OLA1: variants seen among roughly 807,000 people sequenced by gnomAD.
OLA1 encodes obg-like ATPase 1.
Under a neutral mutation model 48.4 loss-of-function variants are expected in OLA1, and 14 were observed. That is an observed-to-expected ratio of 0.29 (90% CI 0.19 to 0.45). The LOEUF (loss-of-function observed/expected upper bound fraction) is 0.45, where lower values mean the gene tolerates loss of function less well. OLA1 is among the 20% of genes least tolerant of loss of function. OLA1 has a pLI of 1.00. For synonymous variants in OLA1, 127 were observed against 150.4 expected (o/e 0.84, Z 1.14); for missense variants, 325 against 467.1 (o/e 0.70, Z 2.80).
At chr2:174,211,598 T>C (rs78717261) in intron 4 of OLA1, among the ~76,000 whole-genome samples, 1 of 152,060 alleles carries the variant, frequency 6.6e-6, no homozygotes, top group Non-Finnish European at 1.5e-5. Flanking sequence ...ATAATACATA[T>C]TCGCTTTTTT....
intron 4 of OLA1, among the ~76,000 whole-genome samples, chr2:174,192,868 A>G (rs1281620451): frequency 5.3e-5 from 8 of 151,972 alleles, no homozygotes; most frequent in Non-Finnish European, 7.4e-5. Context: ...ACTTCCTATC[A>G]TTGTTCTCTA....
intron 2 of OLA1, among the ~76,000 whole-genome samples, chr2:174,245,202 G>A (rs944444580): frequency 6.6e-6 from 1 of 152,100 alleles, no homozygotes; most frequent in African/African-American, 2.4e-5. Context: ...GCACCCTACA[G>A]TATTTTGATT....
intron 4 of OLA1, among the ~76,000 whole-genome samples, chr2:174,162,026 T>C (rs1480360704): frequency 6.6e-6 from 1 of 152,100 alleles, no homozygotes; most frequent in Non-Finnish European, 1.5e-5. Flanking sequence ...ATCCTACATG[T>C]AGAAGGCTCC....
intron 4 of OLA1, among the ~76,000 whole-genome samples, chr2:174,214,958 G>A (rs1688329639): frequency 6.6e-6 from 1 of 151,708 alleles, no homozygotes; most frequent in South Asian, 2.1e-4. Context: ...GCTGAGGCAA[G>A]AGAATTGCTT....
chr2:174,175,986 G>T (rs1687412857), intron 4 of OLA1, among the ~76,000 whole-genome samples: 1 of 151,948 alleles, frequency 6.6e-6, no homozygotes, highest in South Asian at 2.1e-4. Flanking sequence ...TGATAAAAAT[G>T]CAACAATAGA....
At chr2:174,139,075 C>T (rs1686378193) in intron 5 of OLA1, among the ~76,000 whole-genome samples, 1 of 152,108 alleles carries the variant, frequency 6.6e-6, no homozygotes, top group East Asian at 1.9e-4. Context: ...TAAAATTAAC[C>T]TTGATCTTGA....
chr2:174,140,267 T>C (rs1011224094), intron 5 of OLA1, among the ~76,000 whole-genome samples: 1 of 152,146 alleles, frequency 6.6e-6, no homozygotes, highest in African/African-American at 2.4e-5. Context: ...CTTTAGACCA[T>C]TTGCTAGAGA....
At chr2:174,139,587 C>A (rs1023177990) in intron 5 of OLA1, among the ~76,000 whole-genome samples, 3 of 152,180 alleles carry the variant, frequency 2.0e-5, no homozygotes, top group African/African-American at 7.2e-5. Context: ...TGTATCTTGG[C>A]CGGGCACAGT....
At chr2:174,123,742 A>T (rs1685977231) in intron 5 of OLA1, 67 bp from the exon 6 acceptor site, 1 of 770,416 alleles carries the variant, frequency 1.3e-6, no homozygotes, top group South Asian at 2.8e-5. Context: ...AAATATTAAA[A>T]AGTTTTCAAA....
At chr2:174,186,912 A>G (rs1338560384) in intron 4 of OLA1, among the ~76,000 whole-genome samples, 1 of 152,190 alleles carries the variant, frequency 6.6e-6, no homozygotes, top group Non-Finnish European at 1.5e-5. Flanking sequence ...AACTGTTGAC[A>G]CTCCATACCA....
chr2:174,094,373 G>C (rs1394983120), intron 7 of OLA1, among the ~76,000 whole-genome samples: 1 of 152,188 alleles, frequency 6.6e-6, no homozygotes, highest in Non-Finnish European at 1.5e-5. Flanking sequence ...CAGATCTACA[G>C]ATTCAATGCA....
chr2:174,196,992 TA>T (rs1396865327), intron 4 of OLA1, among the ~76,000 whole-genome samples: 4 of 152,340 alleles, frequency 2.6e-5, no homozygotes, highest in African/African-American at 9.6e-5. Flanking sequence ...TTCTATAGGT[TA>T]ATAATTTATG....
rs143035081 is a variant in OLA1, at chr2:174,196,235, TAAAAATTA to T, written c.373+26790_373+26797del. 3.3e-3 allele frequency among the ~76,000 whole-genome samples: 508 copies of T among 152,232 alleles called. 2 individuals are homozygous for T. Among genetic ancestry groups the T allele is most frequent in the African/African-American group, 0.012 (487 of 41,576 alleles). ...TGCAAAATGCTTTTAACTGGGAATT[TAAAAATTA>T]GAAAAATACTATTAAAGTGATCATG... On this transcript the variant is annotated intron_variant, in intron 4 of 10. Transcript: ENST00000284719.
chr2:174,214,533 T>C (rs1006764272), intron 4 of OLA1, among the ~76,000 whole-genome samples: 2 of 152,012 alleles, frequency 1.3e-5, no homozygotes, highest in East Asian at 1.9e-4. Context: ...TCTAAAAACT[T>C]CTCCTTGAAG....
intron 7 of OLA1, among the ~76,000 whole-genome samples, chr2:174,097,187 A>G (rs1224277310): frequency 6.6e-6 from 1 of 152,106 alleles, no homozygotes; most frequent in Non-Finnish European, 1.5e-5. Context: ...AAAAATAAAA[A>G]TCAGGTCTTT....
chr2:174,163,903 G>A (rs1047691498), intron 4 of OLA1, among the ~76,000 whole-genome samples: 1 of 151,182 alleles, frequency 6.6e-6, no homozygotes, highest in Non-Finnish European at 1.5e-5. Flanking sequence ...CTTTTAAAAC[G>A]TGGTGGTACA....
intron 7 of OLA1, among the ~76,000 whole-genome samples, chr2:174,106,934 G>C (rs944778567): frequency 3.3e-5 from 5 of 152,138 alleles, no homozygotes; most frequent in Non-Finnish European, 7.4e-5. Context: ...TCTGTGGGAG[G>C]CTCTTTATCT....
intron 2 of OLA1, among the ~76,000 whole-genome samples, chr2:174,243,174 A>C (rs956447814): frequency 6.6e-6 from 1 of 152,150 alleles, no homozygotes; most frequent in African/African-American, 2.4e-5. Flanking sequence ...ACACCTGGCT[A>C]ATTTTTGTAT....
chr2:174,101,126 A>C (rs561887058), intron 7 of OLA1, among the ~76,000 whole-genome samples: 107 of 152,330 alleles, frequency 7.0e-4, no homozygotes, highest in African/African-American at 2.5e-3. Flanking sequence ...GTACCACTTT[A>C]TATTCCCACC....
Sources: gnomAD v4.1 joint callset for allele counts (sites outside exome capture counted in the v4.1 genomes callset) on GRCh38, gnomAD v4.1.1 for gene constraint, MANE v1.5 for transcripts, NCBI Gene and HGNC (gene_info 2026-07-23, HGNC 2026-07-21) for gene names.